Variants in PNPLA1 observed in about 807,000 individuals in gnomAD.
PNPLA1 encodes omega-hydroxyceramide transacylase.
PNPLA1 carries 36 observed loss-of-function variants against 51.7 expected under a neutral mutation model. That is an observed-to-expected ratio of 0.70 (90% CI 0.53 to 0.92). The LOEUF (loss-of-function observed/expected upper bound fraction) is 0.92, where lower values mean the gene tolerates loss of function less well. Ranked by LOEUF, PNPLA1 falls within the 40% of genes least tolerant of loss-of-function variation. PNPLA1 has a pLI of 0.00. For missense variants in PNPLA1, 658 were observed against 682.5 expected, an observed-to-expected ratio of 0.96 and a Z score of 0.40; for synonymous variants, 293 against 280.1, an observed-to-expected ratio of 1.05 and a Z score of -0.46.
intron 5 of PNPLA1, among the ~76,000 whole-genome samples, chr6:36,296,670 T>C (rs549818795): frequency 2.2e-4 from 34 of 152,340 alleles, no homozygotes; most frequent in Non-Finnish European, 4.6e-4. Flanking sequence ...CTCTACTTTC[T>C]CCTGGGTCCT....
At chr6:36,292,267 G>A (rs1264510048) in intron 2 of PNPLA1, among the ~76,000 whole-genome samples, 2 of 152,046 alleles carry the variant, frequency 1.3e-5, no homozygotes, top group African/African-American at 4.8e-5. Context: ...GGGATGAATA[G>A]GCAGTGGGCA....
At chr6:36,285,117 G>A (rs760112804) in intron 1 of PNPLA1, among the ~76,000 whole-genome samples, 12 of 152,176 alleles carry the variant, frequency 7.9e-5, no homozygotes, top group Non-Finnish European at 1.5e-4. Flanking sequence ...TTGGGGTAGG[G>A]TATTCAAGAT....
intron 5 of PNPLA1, among the ~76,000 whole-genome samples, chr6:36,300,215 G>GAGAGAGAGAGAGAGAGAGAGAGAA (rs1770995381): frequency 6.7e-6 from 1 of 149,598 alleles, no homozygotes. Flanking sequence ...GAGAGAGAGA[G>GAGAGAGAGAGAGAGAGAGAGAGAA]ACAGAGTCTT....
Position 36,270,567 on chromosome 6 carries a change from G to A in PNPLA1, c.108G>A (p.Arg36=). ...AGGCGGGGGCTGTGGACGCCCTGCGGGACCTGGCCCCCCGGATGCTGGAAA... is the reference window on the plus strand; with the variant it reads ...AGGCGGGGGCTGTGGACGCCCTGCGAGACCTGGCCCCCCGGATGCTGGAAA... ...FYQAGAVDAL[R]DLAPRMLETA... is the part of the protein sequence containing the mutation. The change falls in exon 1 of 9, where the codon CGG becomes CGA. Residue 36 remains arginine, a synonymous_variant. Coordinates refer to ENST00000636260, the MANE Select transcript of PNPLA1 (RefSeq NM_001374623.1). 3 of 1,551,634 alleles carry A rather than the reference G, an allele frequency of 1.9e-6. No homozygotes were observed. Among genetic ancestry groups the A allele is most frequent in the Non-Finnish European group, 2.6e-6 (3 of 1,147,004 alleles).
intron 5 of PNPLA1, among the ~76,000 whole-genome samples, chr6:36,301,498 C>T (rs1243432587): frequency 1.3e-5 from 2 of 152,018 alleles, no homozygotes; most frequent in South Asian, 4.1e-4. Flanking sequence ...TGTGCTGTTC[C>T]CTCTGCTGAA....
In PNPLA1 at chr6:36,282,211, AG is replaced by A. The variant is rs35585651; in HGVS notation, c.206-9106del. ...AAAGAAAGAAGGAAGGAAGGAAGGA[AG>A]GGAAGGAAGGAAGGAAGGAAGGAAA... On this transcript the variant is annotated intron_variant, in intron 1 of 8. Coordinates refer to ENST00000636260, the MANE Select transcript of PNPLA1 (RefSeq NM_001374623.1). Among the ~76,000 whole-genome samples the A allele has an allele frequency of 4.8e-3, 54 of 11,270 alleles. 4 individuals are homozygous for A. Among genetic ancestry groups the A allele is most frequent in the East Asian group, 0.015 (3 of 198 alleles). 7.4% of individuals were successfully genotyped at this position (11,270 alleles called of 152,430 possible). A position where few individuals can be genotyped will look rare whatever the true frequency, so the allele number is the denominator to read the frequency against.
rs9470245 is a variant in PNPLA1 at position 36,294,605 on chromosome 6, C to T, written c.714+206C>T. Among the ~76,000 whole-genome samples, 140,819 of 152,154 alleles carry T rather than the reference C, an allele frequency of 0.93. 65,231 individuals are homozygous for T. The highest frequency in any genetic ancestry group is 0.99 in the East Asian group (5,117 of 5,182). ...GCGCCTCAAGCTCTCCCAGCTTCAA[C>T]ATTCTCCCCGGTAAAGCGAGATGAT... On this transcript the variant is annotated intron_variant, in intron 4 of 8. Transcript: ENST00000636260. This position sits in a 1 kb window ranked among gnomAD's most constrained non-coding sequence, Gnocchi z 4.2.
Position 36,270,436 on chromosome 6 carries a change from C to T in PNPLA1, c.-24C>T, listed in dbSNP as rs1191518495. On this transcript the variant is annotated 5_prime_UTR_variant, in exon 1 of 9. Coordinates refer to ENST00000636260, the MANE Select transcript of PNPLA1 (RefSeq NM_001374623.1). ...AGTGCTGAAGGGTGGCTCCGCCTTC[C>T]GCAGAAAGTCAGAGGCCGAGGAGAT... 6 of 1,549,998 alleles carry T rather than the reference C, an allele frequency of 3.9e-6. No homozygotes were observed. Among genetic ancestry groups the T allele is most frequent in the Admixed American group, 3.9e-5 (2 of 50,992 alleles).
chr6:36,262,520 A>C (rs188181569), intron 1 of PNPLA1, among the ~76,000 whole-genome samples: 1 of 152,366 alleles, frequency 6.6e-6, no homozygotes, highest in East Asian at 1.9e-4. Context: ...CTGTAATGGA[A>C]GTAACAATGA....
In PNPLA1 at chr6:36,301,524, C is replaced by A. The variant is rs555905976; in HGVS notation, c.776-337C>A. Among the ~76,000 whole-genome samples the A allele has an allele frequency of 8.5e-5, 13 of 152,218 alleles. No individual in the cohort carries two copies. In the South Asian group the frequency reaches 1.7e-3, roughly 19 times the overall value. ...CTCTGCTGAAACACCCTCACCACCCCGCCCTGACCATCCTGGGCCACGTAC... is the reference window on the plus strand; with the variant it reads ...CTCTGCTGAAACACCCTCACCACCCAGCCCTGACCATCCTGGGCCACGTAC... On this transcript the variant is annotated intron_variant, in intron 5 of 8. Coordinates refer to ENST00000636260, the MANE Select transcript of PNPLA1 (RefSeq NM_001374623.1).
Position 36,304,218 on chromosome 6 carries a change from T to G in PNPLA1, c.1384+1749T>G, listed in dbSNP as rs538691853. Among the ~76,000 whole-genome samples, 38 of 152,248 alleles carry G rather than the reference T, an allele frequency of 2.5e-4. 1 individual carries two copies. In the South Asian group the frequency reaches 5.6e-3, roughly 22 times the overall value. ...GGTGCTCATGGTCCTCAGCCAAACTTCCAGAGCTATTATGGTAAACGTCAC... is the reference window on the plus strand; with the variant it reads ...GGTGCTCATGGTCCTCAGCCAAACTGCCAGAGCTATTATGGTAAACGTCAC... On this transcript the variant is annotated intron_variant, in intron 6 of 8. Coordinates refer to ENST00000636260, the MANE Select transcript of PNPLA1 (RefSeq NM_001374623.1).
At chr6:36,262,409 A>G (rs552605664) in intron 1 of PNPLA1, among the ~76,000 whole-genome samples, 2 of 152,340 alleles carry the variant, frequency 1.3e-5, no homozygotes, top group South Asian at 4.1e-4. Context: ...CTTCATAGCT[A>G]TTGGAACAAA....
chr6:36,252,254 C>G (rs762804673), intron 1 of PNPLA1, among the ~76,000 whole-genome samples: 2 of 152,166 alleles, frequency 1.3e-5, no homozygotes, highest in Non-Finnish European at 2.9e-5. Context: ...TGAGGACTTT[C>G]TGGAGGGCTT....
chr6:36,273,400 C>T (rs1249029985), intron 1 of PNPLA1, among the ~76,000 whole-genome samples: 1 of 151,990 alleles, frequency 6.6e-6, no homozygotes, highest in Non-Finnish European at 1.5e-5. Context: ...CACAGTCTTC[C>T]TTGAATGCAG....
At chr6:36,258,611 A>C (rs931020524) in intron 1 of PNPLA1, among the ~76,000 whole-genome samples, 6 of 152,200 alleles carry the variant, frequency 3.9e-5, no homozygotes, top group African/African-American at 1.4e-4. Flanking sequence ...TAAAGAGCAA[A>C]GACATCTTTC....
At chr6:36,253,999 G>A (rs571488300) in intron 1 of PNPLA1, among the ~76,000 whole-genome samples, 87 of 152,110 alleles carry the variant, frequency 5.7e-4, no homozygotes, top group African/African-American at 1.8e-3. Flanking sequence ...AGGTCATATG[G>A]TCTGACTACA....
intron 1 of PNPLA1, among the ~76,000 whole-genome samples, chr6:36,260,865 C>T (rs1043765112): frequency 6.6e-6 from 1 of 152,148 alleles, no homozygotes; most frequent in African/African-American, 2.4e-5. Flanking sequence ...TGTCACCCAG[C>T]CTGGAGTGCA....
At chr6:36,298,145 G>A (rs756289001) in intron 5 of PNPLA1, among the ~76,000 whole-genome samples, 24 of 151,996 alleles carry the variant, frequency 1.6e-4, no homozygotes, top group East Asian at 5.8e-4. Context: ...TCCTTTTTAC[G>A]TTCCGTGCCA....
rs1231519639 is a variant in PNPLA1 at position 36,312,527 on chromosome 6, T to G, written c.*641T>G. Among the ~76,000 whole-genome samples, 1 of 152,076 alleles carries G rather than the reference T, an allele frequency of 6.6e-6. No homozygotes were observed. The highest frequency in any genetic ancestry group is 1.9e-4 in the East Asian group (1 of 5,190). On this transcript the variant is annotated 3_prime_UTR_variant, in exon 9 of 9. Coordinates refer to ENST00000636260, the MANE Select transcript of PNPLA1 (RefSeq NM_001374623.1). ...GGGTGATCCCCGGTGGAACTAAGGT[T>G]AGGGAAGTCCTAGATGGGGGATTTC...
Sources: allele counts gnomAD v4.1 joint callset (sites outside exome capture counted in the v4.1 genomes callset), GRCh38; gene constraint gnomAD v4.1.1; non-coding constraint Gnocchi (gnomAD v3.1); transcripts MANE v1.5; gene names NCBI Gene and HGNC (gene_info 2026-07-23, HGNC 2026-07-21).